The following EVI5L variants were observed in gnomAD, a reference collection of about 807,000 sequenced individuals.
EVI5L encodes ecotropic viral integration site 5 like.
A neutral mutation model predicts 106.1 loss-of-function variants in EVI5L; 30 were observed. The observed-to-expected ratio is 0.28, with a 90% CI of 0.21 to 0.38. The LOEUF is 0.38. EVI5L is among the 10% of genes least tolerant of loss of function. The probability of loss-of-function intolerance (pLI) is 1.00; values close to 1 mark genes in which losing one functional copy is unlikely to be tolerated. For synonymous variants in EVI5L, 489 were observed against 483.3 expected (o/e 1.01, Z -0.15); for missense variants, 809 against 1,098.0 (o/e 0.74, Z 3.72).
rs545315760 is a variant in EVI5L at position 7,830,385 on chromosome 19, G to A, written c.-48+4G>A. The A allele has an allele frequency of 6.6e-6, 1 of 151,430 alleles. No individual in the cohort carries two copies. The highest frequency in any genetic ancestry group is 1.5e-5 in the Non-Finnish European group (1 of 67,398). 9.4% of individuals were successfully genotyped at this position (151,430 alleles called of 1,614,324 possible). On this transcript the variant is annotated splice_donor_region_variant and intron_variant, in intron 1 of 19. Coordinates refer to ENST00000538904, the MANE Select transcript of EVI5L (RefSeq NM_001159944.3). ...GATGGCGGCGCGCTCGGCGCAGGTA[G>A]GGCGGCGCGGGCCGGGCCTCCCGGG...
rs1222304039 is a variant in EVI5L at position 7,862,963 on chromosome 19, C to G, written c.1948-9C>G. 3.2e-6 allele frequency: 5 copies of G among 1,548,110 alleles called. No individual in the cohort carries two copies. Among genetic ancestry groups the G allele is most frequent in the Non-Finnish European group, 3.5e-6 (4 of 1,156,278 alleles). On this transcript the variant is annotated splice_polypyrimidine_tract_variant and intron_variant, in intron 17 of 19. Coordinates refer to ENST00000538904, the MANE Select transcript of EVI5L (RefSeq NM_001159944.3). ...CCGCCCTCCTTTCCCCCCAATCCCC[C>G]GACCCCAGAGCAAGGAGGAGGTGAT...
In EVI5L at chr19:7,840,988, A is replaced by G. The variant is rs148701194; in HGVS notation, c.-47-5508A>G. Among the ~76,000 whole-genome samples, 974 of 152,080 alleles carry G rather than the reference A, an allele frequency of 6.4e-3. 10 individuals carry two copies. Among genetic ancestry groups the G allele is most frequent in the African/African-American group, 0.023 (939 of 41,480 alleles). On this transcript the variant is annotated intron_variant, in intron 1 of 19. Transcript: ENST00000538904. Reference sequence around the variant, plus strand: ...TGGATTTGCCAGGTGGCGTGGTGACAGTGTGTTTAAGTCTTTGAGGAACCG... The same window carrying G: ...TGGATTTGCCAGGTGGCGTGGTGACGGTGTGTTTAAGTCTTTGAGGAACCG...
At chr19:7,862,354 G>GCCGTCCT (rs768363365) in intron 16 of EVI5L, 34 bp from the exon 17 acceptor site, 22 of 1,581,806 alleles carry the variant, frequency 1.4e-5, no homozygotes, top group Non-Finnish European at 1.7e-5. Flanking sequence ...CCTGACCGCC[G>GCCGTCCT]CCGTCCTCCG....
chr19:7,834,663 A>G (rs768375358), intron 1 of EVI5L, among the ~76,000 whole-genome samples: 8 of 152,340 alleles, frequency 5.3e-5, no homozygotes, highest in South Asian at 2.1e-4. Context: ...TGAAGATCCA[A>G]TAGTGGGCTA....
chr19:7,853,948 C>T (rs901372605), intron 10 of EVI5L, among the ~76,000 whole-genome samples: 7 of 152,174 alleles, frequency 4.6e-5, no homozygotes, highest in Admixed American at 1.3e-4. Context: ...TCCTTCCTTG[C>T]GCATTCTTCC....
intron 1 of EVI5L, among the ~76,000 whole-genome samples, chr19:7,839,183 G>A (rs538175307): frequency 2.2e-4 from 33 of 151,610 alleles, no homozygotes; most frequent in African/African-American, 7.7e-4. Flanking sequence ...GGTGCCTGTA[G>A]TCCCAGCTAC....
At chr19:7,855,312 G>T (rs1417193265) in intron 10 of EVI5L, among the ~76,000 whole-genome samples, 1 of 151,712 alleles carries the variant, frequency 6.6e-6, no homozygotes, top group Non-Finnish European at 1.5e-5. Flanking sequence ...GGCTGGTCTC[G>T]AACTCCTGAC....
intron 13 of EVI5L, chr19:7,859,038 A>G (rs886225951): frequency 2.0e-5 from 3 of 152,086 alleles, no homozygotes; most frequent in African/African-American, 7.2e-5. Flanking sequence ...TAAAAATACA[A>G]AAATAAGCTG....
chr19:7,842,835 A>G (rs1978702430), intron 1 of EVI5L, among the ~76,000 whole-genome samples: 1 of 150,076 alleles, frequency 6.7e-6, no homozygotes, highest in Admixed American at 6.6e-5. Flanking sequence ...GTGTGAAGGT[A>G]TATAGGTGTG....
chr19:7,847,672 G>A (rs1010989603), intron 2 of EVI5L, 60 bp from the exon 3 acceptor site: 31 of 1,567,230 alleles, frequency 2.0e-5, no homozygotes, highest in East Asian at 6.8e-5. Context: ...GGCTGGGCTC[G>A]CCAAGGATCC....
rs1251200065 is a variant in EVI5L at position 7,857,414 on chromosome 19, G to C, written c.1233+290G>C. 2 of 579,086 alleles carry C rather than the reference G, an allele frequency of 3.5e-6. No individual in the cohort carries two copies. Among genetic ancestry groups the C allele is most frequent in the African/African-American group, 3.7e-5 (2 of 53,354 alleles). 35.9% of individuals were successfully genotyped at this position (579,086 alleles called of 1,614,324 possible). The stretch of plus-strand genomic sequence containing the variant: ...GGCGACACAGGGTGGGGACCCAGGA[G>C]GGCTGGGGAACCTAAAACCATATTC... On this transcript the variant is annotated intron_variant, in intron 12 of 19. Coordinates refer to ENST00000538904, the MANE Select transcript of EVI5L (RefSeq NM_001159944.3). The surrounding 1 kb of genome is among the most constrained non-coding windows in gnomAD (Gnocchi z 4.5).
chr19:7,861,979 G>A lies in EVI5L; in HGVS notation c.1605G>A (p.Glu535=). Residue 535 remains glutamate, a synonymous_variant, in exon 15 of 20, where the codon GAG becomes GAA. Transcript: ENST00000538904. ...GCCAGGCGGTGGCCTCGACGCGAGA[G>A]CTTAAACTGCAGCTGCAGGAGCTCT... ...REGQAVASTR[E]LKLQLQELSD... The A allele has an allele frequency of 6.5e-7, 1 of 1,549,404 alleles. No homozygotes were observed. The highest frequency in any genetic ancestry group is 8.7e-7 in the Non-Finnish European group (1 of 1,146,618).
chr19:7,833,427 G>A (rs1413584833), intron 1 of EVI5L, among the ~76,000 whole-genome samples: 2 of 152,272 alleles, frequency 1.3e-5, no homozygotes, highest in African/African-American at 4.8e-5. Flanking sequence ...CAGGATTGCA[G>A]CACGCGCCCT....
In EVI5L at chr19:7,842,771, A is replaced by AAT. The variant is rs1555692055; in HGVS notation, c.-47-3725_-47-3724insAT. 3.2e-4 allele frequency among the ~76,000 whole-genome samples: 48 copies of AAT among 151,572 alleles called. 1 individual carries two copies. In the South Asian group the frequency reaches 7.5e-3, roughly 24 times the overall value. Reference sequence around the variant, plus strand: ...AAGGTACTGGGTGTGTGTGTATATGAGTGTGCGTGCACAAATATGCATAAG... The same window carrying AAT: ...AAGGTACTGGGTGTGTGTGTATATGAATGTGTGCGTGCACAAATATGCATAAG... On this transcript the variant is annotated intron_variant, in intron 1 of 19. Coordinates refer to ENST00000538904, the MANE Select transcript of EVI5L (RefSeq NM_001159944.3).
chr19:7,857,457 G>A lies in EVI5L; in HGVS notation c.1233+333G>A, dbSNP rs1002318491. ...CCATATTCACATAAGGCCCTGGTGT[G>A]TGCAGTGCTGCGGTCACACACACAC... On this transcript the variant is annotated intron_variant, in intron 12 of 19. Coordinates refer to ENST00000538904, the MANE Select transcript of EVI5L (RefSeq NM_001159944.3). The surrounding 1 kb of genome is among the most constrained non-coding windows in gnomAD (Gnocchi z 4.5). The A allele has an allele frequency of 3.9e-6, 2 of 512,018 alleles. No homozygotes were observed. Among genetic ancestry groups the A allele is most frequent in the African/African-American group, 1.9e-5 (1 of 51,938 alleles). 31.7% of individuals were successfully genotyped at this position (512,018 alleles called of 1,614,324 possible).
chr19:7,838,374 G>A (rs1978445008), intron 1 of EVI5L, among the ~76,000 whole-genome samples: 1 of 152,182 alleles, frequency 6.6e-6, no homozygotes, highest in South Asian at 2.1e-4. Flanking sequence ...GCCTCCCAAA[G>A]TGCTGGGATT....
In EVI5L at chr19:7,848,935, G is replaced by A. The variant is rs983343974; in HGVS notation, c.342G>A (p.Lys114=). ...CCCGTGGCCAGGAGCTGATCCGCAA[G>A]GGCATCCCCCACCACTTCCGGGCCA... ...KEKLLKELIR[K]GIPHHFRAIV... is the part of the protein sequence containing the mutation. Residue 114 remains lysine, a synonymous_variant, in exon 4 of 20, where the codon AAG becomes AAA. Coordinates refer to ENST00000538904, the MANE Select transcript of EVI5L (RefSeq NM_001159944.3). This position sits in a 1 kb window ranked among gnomAD's most constrained non-coding sequence, Gnocchi z 4.8. 13 of 1,610,240 alleles carry A rather than the reference G, an allele frequency of 8.1e-6. No individual in the cohort carries two copies. The highest frequency in any genetic ancestry group is 2.2e-5 in the East Asian group (1 of 44,762).
intron 8 of EVI5L, among the ~76,000 whole-genome samples, chr19:7,852,468 C>A (rs928013611): frequency 6.6e-6 from 1 of 152,214 alleles, no homozygotes; most frequent in South Asian, 2.1e-4. Context: ...CCTTCCCCCA[C>A]GAAGGTCCCC....
rs1978955978 is a variant in EVI5L at position 7,846,503 on chromosome 19, T to G, written c.-40T>G. ...CATGTCTCTGGCCCCCAGACAGAGCTGTGAACCAACCCCGCTCACGGCTAA... is the reference window on the plus strand; with the variant it reads ...CATGTCTCTGGCCCCCAGACAGAGCGGTGAACCAACCCCGCTCACGGCTAA... On this transcript the variant is annotated 5_prime_UTR_variant, in exon 2 of 20. Transcript: ENST00000538904. The G allele has an allele frequency of 1.3e-6, 2 of 1,582,920 alleles. No homozygotes were observed. The highest frequency in any genetic ancestry group is 8.6e-7 in the Non-Finnish European group (1 of 1,164,948).
Sources: allele counts gnomAD v4.1 joint callset (sites outside exome capture counted in the v4.1 genomes callset), GRCh38; gene constraint gnomAD v4.1.1; non-coding constraint Gnocchi (gnomAD v3.1); transcripts MANE v1.5; gene names NCBI Gene and HGNC (gene_info 2026-07-23, HGNC 2026-07-21).